STON2: variants seen among roughly 807,000 people sequenced by gnomAD.
The protein encoded by STON2 is stonin-2.
Under a neutral mutation model 65.7 loss-of-function variants are expected in STON2, and 29 were observed. The ratio of observed to expected loss-of-function variants is 0.44; its 90% CI spans 0.33 to 0.60. The LOEUF (loss-of-function observed/expected upper bound fraction) is 0.60, where lower values mean the gene tolerates loss of function less well. STON2 is among the 20% of genes least tolerant of loss of function. The probability of loss-of-function intolerance (pLI) is 0.03; values close to 1 mark genes in which losing one functional copy is unlikely to be tolerated. For missense variants in STON2, 1,054 were observed against 1,118.1 expected (o/e 0.94, Z 0.82); for synonymous variants, 404 against 414.2 (o/e 0.98, Z 0.30).
At chr14:81,375,326 T>C (rs565807310) in intron 3 of STON2, among the ~76,000 whole-genome samples, 14 of 152,114 alleles carry the variant, frequency 9.2e-5, no homozygotes, top group Admixed American at 8.5e-4. Context: ...TAACATGGTA[T>C]GCACAAAAAA....
intron 5 of STON2, among the ~76,000 whole-genome samples, chr14:81,283,818 T>G (rs1171251337): frequency 3.9e-5 from 6 of 152,166 alleles, no homozygotes; most frequent in African/African-American, 1.4e-4. Flanking sequence ...CGTGAGCCAC[T>G]GTACCCAGCA....
intron 4 of STON2, among the ~76,000 whole-genome samples, chr14:81,362,023 C>A (rs1432156521): frequency 6.6e-6 from 1 of 151,986 alleles, no homozygotes; most frequent in East Asian, 1.9e-4. Flanking sequence ...GAAAAGGGAA[C>A]CCTTGTATAA....
intron 3 of STON2, among the ~76,000 whole-genome samples, chr14:81,375,518 A>G (rs548132517): frequency 1.3e-5 from 2 of 152,180 alleles, no homozygotes; most frequent in Admixed American, 1.3e-4. Context: ...ATATTTAATA[A>G]CATAGCCTCA....
chr14:81,290,008 T>C (rs1223423094), intron 5 of STON2, among the ~76,000 whole-genome samples: 1 of 152,212 alleles, frequency 6.6e-6, no homozygotes, highest in Non-Finnish European at 1.5e-5. Flanking sequence ...GTCTATTATC[T>C]CCCTCACTGC....
chr14:81,281,722 T>C (rs1211174339), intron 5 of STON2, among the ~76,000 whole-genome samples: 1 of 152,212 alleles, frequency 6.6e-6, no homozygotes, highest in Non-Finnish European at 1.5e-5. Flanking sequence ...TTTCTTACAA[T>C]AAATTCCTTT....
upstream of STON2, among the ~76,000 whole-genome samples, chr14:81,403,756 C>T (rs6574652): frequency 0.43 from 65,371 of 151,984 alleles, 15,761 homozygotes; most frequent in Non-Finnish European, 0.55. Flanking sequence ...CTTGAATAGA[C>T]TTCTTTCCTG....
intron 5 of STON2, among the ~76,000 whole-genome samples, chr14:81,286,781 T>G (rs1170658842): frequency 1.3e-5 from 2 of 152,204 alleles, no homozygotes; most frequent in African/African-American, 4.8e-5. Flanking sequence ...ATTTTGGGGC[T>G]TGGAGAGATT....
intron 5 of STON2, among the ~76,000 whole-genome samples, chr14:81,294,411 G>A (rs542564886): frequency 6.6e-6 from 1 of 152,266 alleles, no homozygotes; most frequent in Admixed American, 6.5e-5. Flanking sequence ...GTGGTTAAGA[G>A]CACGGACTAT....
At position 81,267,860 on chromosome 14, in the gene STON2, A is replaced by T. The variant is rs971007311; in HGVS notation, c.*554T>A. On this transcript the variant is annotated 3_prime_UTR_variant, in exon 8 of 8. Transcript: ENST00000614646. ...TAGAGCCAGGAGGGAAATGTCTTGA[A>T]AGCTTAACAGTTAAAGAATGGAGAC... 13 of 985,472 alleles carry T rather than the reference A, an allele frequency of 1.3e-5. No individual in the cohort carries two copies. Among genetic ancestry groups the T allele is most frequent in the Non-Finnish European group, 1.4e-5 (12 of 829,968 alleles). 61.0% of individuals were successfully genotyped at this position (985,472 alleles called of 1,614,324 possible). A position where few individuals can be genotyped will look rare whatever the true frequency, so the allele number is the denominator to read the frequency against.
At chr14:81,313,810 T>TACAC (rs10527861) in intron 5 of STON2, among the ~76,000 whole-genome samples, 3,648 of 139,770 alleles carry the variant, frequency 0.026, 130 homozygotes, top group African/African-American at 0.085. Flanking sequence ...AAAAAAAAAA[T>TACAC]ACACACACAC....
intron 1 of STON2, among the ~76,000 whole-genome samples, 155 bp downstream of exon 1, chr14:81,400,124 C>T (rs969497603): frequency 2.0e-5 from 3 of 152,090 alleles, no homozygotes; most frequent in African/African-American, 7.2e-5. Flanking sequence ...GGGAAACTCC[C>T]CATGTGAAAG....
chr14:81,414,358 G>C (rs561019296), intron 2 of STON2, among the ~76,000 whole-genome samples: 8 of 152,260 alleles, frequency 5.3e-5, no homozygotes, highest in African/African-American at 1.9e-4. Flanking sequence ...CGTAGCAAAA[G>C]AAAAGAAGTG....
At chr14:81,413,676 A>G (rs1317488564) in intron 2 of STON2, among the ~76,000 whole-genome samples, 2 of 138,416 alleles carry the variant, frequency 1.4e-5, no homozygotes, top group African/African-American at 6.0e-5. Context: ...TTTGTCTGTG[A>G]TCCCAGCTAC....
intron 5 of STON2, among the ~76,000 whole-genome samples, chr14:81,291,507 A>T (rs1213554882): frequency 6.6e-6 from 1 of 152,184 alleles, no homozygotes; most frequent in South Asian, 2.1e-4. Flanking sequence ...AGTAGACTTA[A>T]GGAGATACTC....
chr14:81,319,175 C>T (rs1039365380), intron 5 of STON2, among the ~76,000 whole-genome samples: 2 of 152,208 alleles, frequency 1.3e-5, no homozygotes, highest in African/African-American at 4.8e-5. Flanking sequence ...TTGTATAAAA[C>T]AGATTTTGTG....
chr14:81,392,339 G>A (rs1228027603), intron 3 of STON2, among the ~76,000 whole-genome samples: 2 of 152,088 alleles, frequency 1.3e-5, no homozygotes, highest in East Asian at 1.9e-4. Context: ...GGATTTGGGC[G>A]CGGTCCGGAA....
At chr14:81,411,571 G>A (rs148136570) in intron 2 of STON2, among the ~76,000 whole-genome samples, 1,887 of 152,294 alleles carry the variant, frequency 0.012, 53 homozygotes, top group African/African-American at 0.043. Flanking sequence ...GCCAGGTGTG[G>A]TGGCGCATGC....
At chr14:81,374,200 G>C (rs920703524) in intron 3 of STON2, among the ~76,000 whole-genome samples, 4 of 149,162 alleles carry the variant, frequency 2.7e-5, no homozygotes, top group African/African-American at 9.9e-5. Context: ...ATTTTTAGTA[G>C]AGATGGGTTT....
intron 2 of STON2, among the ~76,000 whole-genome samples, chr14:81,405,467 T>G (rs1900806406): frequency 6.6e-6 from 1 of 151,180 alleles, no homozygotes; most frequent in African/African-American, 2.4e-5. Context: ...ATTGTTTTTT[T>G]TTTTTTTTTG....
Sources: gnomAD v4.1 joint callset for allele counts (sites outside exome capture counted in the v4.1 genomes callset) on GRCh38, gnomAD v4.1.1 for gene constraint, MANE v1.5 for transcripts, NCBI Gene and HGNC (gene_info 2026-07-23, HGNC 2026-07-21) for gene names.